The following SBF2 variants were observed in gnomAD, a reference collection of about 807,000 sequenced individuals.
SBF2 encodes SET binding factor 2.
SBF2 carries 112 observed loss-of-function variants against 225.2 expected under a neutral mutation model. That is an observed-to-expected ratio of 0.50 (90% confidence interval 0.43 to 0.58). The LOEUF (loss-of-function observed/expected upper bound fraction) is 0.58, where lower values mean the gene tolerates loss of function less well. Among genes scored for constraint, SBF2 ranks in the 20% least tolerant of loss-of-function variants. The pLI is 0.00. For missense variants in SBF2, 1,996 were observed against 2,206.2 expected, an observed-to-expected ratio of 0.90 and a Z score of 1.91; for synonymous variants, 763 against 773.3, an observed-to-expected ratio of 0.99 and a Z score of 0.22.
intron 16 of SBF2, among the ~76,000 whole-genome samples, chr11:9,915,067 T>G (rs1862959526): frequency 6.6e-6 from 1 of 151,964 alleles, no homozygotes; most frequent in African/African-American, 2.4e-5. Flanking sequence ...TGGAGAAGGA[T>G]GAACTTGTGA....
chr11:9,937,925 C>T (rs774833289), intron 16 of SBF2, among the ~76,000 whole-genome samples: 13 of 152,098 alleles, frequency 8.5e-5, no homozygotes, highest in Non-Finnish European at 1.5e-4. Context: ...GTAAGAAAAC[C>T]TTAAAAGCTA....
intron 1 of SBF2, among the ~76,000 whole-genome samples, chr11:10,300,104 T>G (rs2133653552): frequency 6.6e-6 from 1 of 152,292 alleles, no homozygotes; most frequent in Middle Eastern, 3.4e-3. Context: ...TTTCCTCCAT[T>G]TCGAATATTA....
chr11:10,172,910 C>T (rs1039303940), intron 2 of SBF2, among the ~76,000 whole-genome samples: 2 of 152,172 alleles, frequency 1.3e-5, no homozygotes, highest in Non-Finnish European at 2.9e-5. Context: ...TCCACTGACC[C>T]GCCCACCTTG....
intron 1 of SBF2, among the ~76,000 whole-genome samples, chr11:10,270,129 T>TA (rs1197271473): frequency 6.6e-6 from 1 of 152,180 alleles, no homozygotes; most frequent in Non-Finnish European, 1.5e-5. Flanking sequence ...ATTAAAATGA[T>TA]AAAAACATTT....
intron 2 of SBF2, among the ~76,000 whole-genome samples, chr11:10,066,610 C>T (rs1391101264): frequency 6.6e-6 from 1 of 152,102 alleles, no homozygotes; most frequent in African/African-American, 2.4e-5. Context: ...AGGAGAAAAA[C>T]CAGATTTCCT....
At chr11:9,822,543 A>G (rs1854826281) in intron 28 of SBF2, among the ~76,000 whole-genome samples, 1 of 152,176 alleles carries the variant, frequency 6.6e-6, no homozygotes, top group Non-Finnish European at 1.5e-5. Flanking sequence ...TACAGGCGTG[A>G]GCCACCGCAC....
chr11:9,840,643 C>CA (rs1168734678), intron 25 of SBF2, among the ~76,000 whole-genome samples: 1 of 152,188 alleles, frequency 6.6e-6, no homozygotes, highest in African/African-American at 2.4e-5. Context: ...AATCACTATA[C>CA]AAACTCATCA....
chr11:10,029,762 T>C lies in SBF2; in HGVS notation c.513+3A>G. The C allele has an allele frequency of 6.3e-7, 1 of 1,587,682 alleles. No individual in the cohort carries two copies. The highest frequency in any genetic ancestry group is 8.7e-7 in the Non-Finnish European group (1 of 1,155,902). On this transcript the variant is annotated splice_donor_region_variant and intron_variant, in intron 5 of 39. Transcript: ENST00000256190. ...TCTCCACCTCTCTTTCTATTCTATT[T>C]ACCTGAGACCCTCCAGCCGCTGGGA...
intron 1 of SBF2, among the ~76,000 whole-genome samples, chr11:10,287,730 C>T (rs904315833): frequency 2.6e-5 from 4 of 152,310 alleles, no homozygotes; most frequent in Non-Finnish European, 5.9e-5. Context: ...CTTTTCTGGC[C>T]AGAAACCTGT....
chr11:9,998,293 T>G lies in SBF2; in HGVS notation c.948A>C (p.Leu316=), dbSNP rs772340409. The G allele has an allele frequency of 3.7e-6, 6 of 1,601,108 alleles. No individual in the cohort carries two copies. The highest frequency in any genetic ancestry group is 5.1e-6 in the Non-Finnish European group (6 of 1,168,500). Residue 316 remains leucine (L), a synonymous_variant, in exon 9 of 40, where the codon CTA becomes CTC. Coordinates refer to ENST00000256190, the MANE Select transcript of SBF2 (RefSeq NM_030962.4). ...IHLSSLPEPL[L]HQTQSALSLI... ...AAGAAAGAGCTGATTGAGTCTGATG[T>G]AGAAGTGGTTCTGGGAGGGAAGAGA... is the stretch of plus-strand genomic sequence containing the variant.
chr11:10,014,635 T>C (rs901476365), intron 6 of SBF2, among the ~76,000 whole-genome samples: 7 of 152,144 alleles, frequency 4.6e-5, no homozygotes, highest in Non-Finnish European at 1.0e-4. Context: ...TAGTTTTTTT[T>C]CCCTCTTCAG....
chr11:10,190,673 C>T (rs1352487961), intron 2 of SBF2, among the ~76,000 whole-genome samples: 2 of 151,768 alleles, frequency 1.3e-5, no homozygotes, highest in South Asian at 2.1e-4. Context: ...ATTATGTGTT[C>T]CCTGGGAAGG....
intron 9 of SBF2, 70 bp downstream of exon 9, chr11:9,998,196 T>C: frequency 2.2e-6 from 2 of 921,626 alleles, no homozygotes; most frequent in Non-Finnish European, 3.5e-6. Flanking sequence ...TGACAAACAT[T>C]TTTAATTTTA....
At chr11:9,843,586 C>A (rs1014941984) in intron 24 of SBF2, among the ~76,000 whole-genome samples, 1 of 152,170 alleles carries the variant, frequency 6.6e-6, no homozygotes, top group Non-Finnish European at 1.5e-5. Flanking sequence ...ATATTCTTCT[C>A]TATCACAAAG....
intron 30 of SBF2, among the ~76,000 whole-genome samples, chr11:9,810,055 G>C (rs1475553340): frequency 6.6e-6 from 1 of 152,096 alleles, no homozygotes; most frequent in Non-Finnish European, 1.5e-5. Context: ...AGCAGGAGTA[G>C]TGCTTGAGCT....
At chr11:10,223,433 A>AC (rs1244275121) in intron 1 of SBF2, among the ~76,000 whole-genome samples, 2 of 127,332 alleles carry the variant, frequency 1.6e-5, no homozygotes, top group Non-Finnish European at 3.4e-5. Context: ...ATATATATAT[A>AC]TATATATATA....
At chr11:9,811,930 A>G (rs1854208547) in intron 30 of SBF2, among the ~76,000 whole-genome samples, 1 of 152,186 alleles carries the variant, frequency 6.6e-6, no homozygotes, top group South Asian at 2.1e-4. Flanking sequence ...AGCCTGGGCA[A>G]TATAAGAAAT....
intron 2 of SBF2, 93 bp from the exon 3 acceptor site, chr11:10,043,074 A>T: frequency 7.7e-7 from 1 of 1,291,346 alleles, no homozygotes. Context: ...CCATTTTAAC[A>T]AATTCCTACC....
intron 33 of SBF2, among the ~76,000 whole-genome samples, chr11:9,795,318 T>G (rs1364976842): frequency 6.6e-6 from 1 of 152,236 alleles, no homozygotes; most frequent in African/African-American, 2.4e-5. Context: ...TTTCCTCATG[T>G]GATCATCATG....
Sources: allele counts gnomAD v4.1 joint callset (sites outside exome capture counted in the v4.1 genomes callset), GRCh38; gene constraint gnomAD v4.1.1; transcripts MANE v1.5; gene names NCBI Gene and HGNC (gene_info 2026-07-23, HGNC 2026-07-21).